Variants in TSG101 observed in about 807,000 individuals in gnomAD.
TSG101 encodes tumor susceptibility gene 101 protein.
Under a neutral mutation model 48.5 loss-of-function variants are expected in TSG101, and 19 were observed. The ratio of observed to expected loss-of-function variants is 0.39; its 90% CI spans 0.27 to 0.58. TSG101 has a LOEUF of 0.58. Among genes scored for constraint, TSG101 ranks in the 20% least tolerant of loss-of-function variants. The pLI, the probability that TSG101 is intolerant of heterozygous loss-of-function variation, is 0.55. For missense variants in TSG101, 365 were observed against 484.4 expected (o/e 0.75, Z 2.31); for synonymous variants, 174 against 169.4 (o/e 1.03, Z -0.21).
At chr11:18,497,585 G>GTTT (rs1849803372) in intron 7 of TSG101, among the ~76,000 whole-genome samples, 1 of 152,086 alleles carries the variant, frequency 6.6e-6, no homozygotes, top group African/African-American at 2.4e-5. Context: ...AATGAAACAA[G>GTTT]TTAATATAAA....
At chr11:18,495,477 A>C (rs1849761283) in intron 7 of TSG101, among the ~76,000 whole-genome samples, 1 of 152,048 alleles carries the variant, frequency 6.6e-6, no homozygotes, top group South Asian at 2.1e-4. Context: ...TTTTTTTACC[A>C]GGGGCAGGGG....
chr11:18,517,468 T>G (rs1850198285), intron 2 of TSG101, among the ~76,000 whole-genome samples: 2 of 152,222 alleles, frequency 1.3e-5, no homozygotes, highest in Non-Finnish European at 2.9e-5. Context: ...GAGGAAAGGT[T>G]GTAATGTGCA....
chr11:18,508,981 A>C (rs1319757882), intron 5 of TSG101, among the ~76,000 whole-genome samples: 1 of 152,324 alleles, frequency 6.6e-6, no homozygotes, highest in East Asian at 1.9e-4. Flanking sequence ...AAATAGAGAT[A>C]ACAGAGATAA....
chr11:18,521,356 TTCC>T (rs1850269686), intron 1 of TSG101, among the ~76,000 whole-genome samples: 1 of 146,942 alleles, frequency 6.8e-6, no homozygotes, highest in Non-Finnish European at 1.5e-5. Context: ...ACCAAACTGA[TTCC>T]TTTTTTTTTT....
intron 7 of TSG101, among the ~76,000 whole-genome samples, chr11:18,497,725 C>T (rs1849805753): frequency 6.6e-6 from 1 of 152,198 alleles, no homozygotes; most frequent in African/African-American, 2.4e-5. Context: ...GAGAGCTTCA[C>T]CAGATTTAGT....
intron 1 of TSG101, among the ~76,000 whole-genome samples, chr11:18,525,257 G>A (rs971509149): frequency 6.6e-6 from 1 of 152,220 alleles, no homozygotes; most frequent in South Asian, 2.1e-4. Context: ...GATCAAAAAT[G>A]TCATGGAGGC....
At chr11:18,504,207 A>G (rs1023244024) in intron 6 of TSG101, among the ~76,000 whole-genome samples, 51 of 151,724 alleles carry the variant, frequency 3.4e-4, no homozygotes, top group Admixed American at 3.0e-3. Flanking sequence ...TCTCAAAAAA[A>G]AAAAAAAAAA....
rs1850387391 is a variant in TSG101 at position 18,526,879 on chromosome 11, G to T, written c.-63C>A. On this transcript the variant is annotated 5_prime_UTR_variant, in exon 1 of 10. The change creates a new upstream start codon in the 5' untranslated region. Transcript: ENST00000251968. Reference sequence around the variant, plus strand: ...GGTCAGCCGCTGCTGGGCTGCCCCAGACCGTCCCACACAATCGCACACCCC... The same window carrying T: ...GGTCAGCCGCTGCTGGGCTGCCCCATACCGTCCCACACAATCGCACACCCC... 1.3e-6 allele frequency: 2 copies of T among 1,557,622 alleles called. No individual in the cohort carries two copies. The highest frequency in any genetic ancestry group is 1.4e-5 in the African/African-American group (1 of 73,622).
intron 7 of TSG101, among the ~76,000 whole-genome samples, chr11:18,495,599 T>C (rs1298558431): frequency 6.6e-6 from 1 of 152,108 alleles, no homozygotes; most frequent in Non-Finnish European, 1.5e-5. Context: ...AGTCAGTTTA[T>C]GTTTTGCTCC....
At chr11:18,526,301 GCTT>G (rs1850371817) in intron 1 of TSG101, among the ~76,000 whole-genome samples, 2 of 152,106 alleles carry the variant, frequency 1.3e-5, no homozygotes, top group African/African-American at 2.4e-5. Flanking sequence ...TGGTATTTTC[GCTT>G]CTTTTCTGGA....
rs1850233129 is a variant in TSG101 at position 18,519,509 on chromosome 11, A to C, written c.127+10T>G. 1 of 1,591,808 alleles carries C rather than the reference A, an allele frequency of 6.3e-7. No individual in the cohort carries two copies. The highest frequency in any genetic ancestry group is 1.3e-5 in the African/African-American group (1 of 74,364). ...GTATAGAAATTGCTATTTTTACTGC[A>C]TAAACTCACCATATGAATCCAAAAC... On this transcript the variant is annotated intron_variant, in intron 2 of 9. Transcript: ENST00000251968.
intron 7 of TSG101, among the ~76,000 whole-genome samples, chr11:18,485,432 T>C (rs1849606401): frequency 6.6e-6 from 1 of 152,166 alleles, no homozygotes; most frequent in Non-Finnish European, 1.5e-5. Flanking sequence ...AAATACTAAA[T>C]GTTAAGGGTG....
chr11:18,498,482 T>C (rs890014368), intron 7 of TSG101, among the ~76,000 whole-genome samples: 1 of 152,124 alleles, frequency 6.6e-6, no homozygotes, highest in African/African-American at 2.4e-5. Flanking sequence ...ATTCTAGATA[T>C]ATTTTGAAGA....
Position 18,514,829 on chromosome 11 carries a change from T to C in TSG101, c.206A>G (p.Asn69Ser). The part of the protein sequence containing the change: ...IPVPYRGNTY[N>S]IPICLWLLDT... Reference sequence around the variant, plus strand: ...CAGTAGCCATAGGCATATTGGAATATTGTATGTATTACCTGAAAAAGAAAT... The same window carrying C: ...CAGTAGCCATAGGCATATTGGAATACTGTATGTATTACCTGAAAAAGAAAT... Residue 69 changes from asparagine (N) to serine (S), a missense_variant, in exon 4 of 10, where the codon AAT becomes AGT. Coordinates refer to ENST00000251968, the MANE Select transcript of TSG101 (RefSeq NM_006292.4). The C allele has an allele frequency of 6.4e-7, 1 of 1,551,032 alleles. No individual in the cohort carries two copies. The highest frequency in any genetic ancestry group is 8.6e-7 in the Non-Finnish European group (1 of 1,159,694).
chr11:18,526,719 G>C, intron 1 of TSG101, 56 bp downstream of exon 1: 1 of 1,577,552 alleles, frequency 6.3e-7, no homozygotes, highest in Non-Finnish European at 8.6e-7. Context: ...GGACTCGACA[G>C]GGCGCGGAAG....
At chr11:18,526,688 C>T in intron 1 of TSG101, 87 bp downstream of exon 1, 1 of 1,508,310 alleles carries the variant, frequency 6.6e-7, no homozygotes, top group Non-Finnish European at 8.9e-7. Flanking sequence ...GTCTGGGAAG[C>T]TTGCTTGGCT....
intron 4 of TSG101, among the ~76,000 whole-genome samples, chr11:18,509,934 C>T (rs533730272): frequency 6.6e-6 from 1 of 152,184 alleles, no homozygotes; most frequent in East Asian, 1.9e-4. Flanking sequence ...CTTCATTTGA[C>T]TCCACAGAAC....
chr11:18,517,884 T>C (rs1850206501), intron 2 of TSG101, among the ~76,000 whole-genome samples: 2 of 152,222 alleles, frequency 1.3e-5, no homozygotes, highest in African/African-American at 4.8e-5. Context: ...TATTCTGATT[T>C]TGTGCATTTT....
At chr11:18,490,278 C>T (rs1468829371) in intron 7 of TSG101, 4 of 548,202 alleles carry the variant, frequency 7.3e-6, no homozygotes, top group Admixed American at 4.4e-5. Context: ...CCTGGTTTTC[C>T]GATGTCCACA....
Sources: gnomAD v4.1 joint callset for allele counts (sites outside exome capture counted in the v4.1 genomes callset) on GRCh38, gnomAD v4.1.1 for gene constraint, MANE v1.5 for transcripts, NCBI Gene and HGNC (gene_info 2026-07-23, HGNC 2026-07-21) for gene names.